The following CUL1 variants were observed in gnomAD, a reference collection of about 807,000 sequenced individuals.
The protein encoded by CUL1 is cullin-1.
In CUL1, 24 loss-of-function variants were observed where a neutral mutation model predicts 118.0. The observed-to-expected ratio is 0.20, with a 90% CI of 0.15 to 0.29. The LOEUF (loss-of-function observed/expected upper bound fraction) is 0.29. Among genes scored for constraint, CUL1 ranks in the 10% least tolerant of loss-of-function variants. The pLI is 1.00. For synonymous variants in CUL1, 332 were observed against 340.4 expected (o/e 0.98, Z 0.27); for missense variants, 361 against 933.8 (o/e 0.39, Z 7.99).
chr7:148,737,189 A>AT (rs750567676), intron 2 of CUL1, among the ~76,000 whole-genome samples: 1,998 of 143,026 alleles, frequency 0.014, 35 homozygotes, highest in African/African-American at 0.041. Context: ...GTCACAAGTG[A>AT]TTTTTTTTTT....
intron 2 of CUL1, among the ~76,000 whole-genome samples, chr7:148,753,079 A>C (rs1244094397): frequency 1.3e-5 from 2 of 152,220 alleles, no homozygotes; most frequent in African/African-American, 4.8e-5. Context: ...ATCCATTTGT[A>C]ATATATTTTG....
At chr7:148,764,058 A>C (rs115990250) in intron 7 of CUL1, among the ~76,000 whole-genome samples, 1 of 152,246 alleles carries the variant, frequency 6.6e-6, no homozygotes, top group Non-Finnish European at 1.5e-5. Flanking sequence ...GATCTGAGCT[A>C]CAGAAACTCT....
At chr7:148,794,284 T>C (rs1392238994) in intron 17 of CUL1, among the ~76,000 whole-genome samples, 1 of 152,158 alleles carries the variant, frequency 6.6e-6, no homozygotes, top group Non-Finnish European at 1.5e-5. Flanking sequence ...GTGGTTTTGG[T>C]GTCATTTTTA....
chr7:148,762,183 G>A (rs1026672424), intron 7 of CUL1, among the ~76,000 whole-genome samples: 1 of 152,192 alleles, frequency 6.6e-6, no homozygotes, highest in Non-Finnish European at 1.5e-5. Context: ...TTCACTTGGA[G>A]TATGAATGGA....
At chr7:148,753,223 T>C (rs1237453307) in intron 2 of CUL1, among the ~76,000 whole-genome samples, 1 of 152,276 alleles carries the variant, frequency 6.6e-6, no homozygotes, top group Non-Finnish European at 1.5e-5. Context: ...TTGTTCTGTT[T>C]TGTTGATCTT....
intron 1 of CUL1, among the ~76,000 whole-genome samples, chr7:148,708,558 C>T (rs933386302): frequency 3.3e-5 from 5 of 152,224 alleles, no homozygotes; most frequent in African/African-American, 1.2e-4. Context: ...AGAGGCTCTC[C>T]AGGGCAGGTA....
At position 148,800,878 on chromosome 7, in the gene CUL1, C is replaced by T. The variant is rs946167717; in HGVS notation, c.*296C>T. The T allele has an allele frequency of 3.6e-5, 9 of 248,130 alleles. No individual in the cohort carries two copies. Among genetic ancestry groups the T allele is most frequent in the East Asian group, 8.9e-5 (1 of 11,252 alleles). The allele number at this position is 248,130 out of a possible 1,614,324, so 15.4% of individuals were successfully genotyped here. On this transcript the variant is annotated 3_prime_UTR_variant, in exon 22 of 22. Transcript: ENST00000325222. This position sits in a 1 kb window ranked among gnomAD's most constrained non-coding sequence, Gnocchi z 4.6. ...GCACTAAGTCAATACATGGGCTCCCCGATTCGCAGCTGTCGTCTTGGCAGC... is the reference window on the plus strand; with the variant it reads ...GCACTAAGTCAATACATGGGCTCCCTGATTCGCAGCTGTCGTCTTGGCAGC...
intron 1 of CUL1, among the ~76,000 whole-genome samples, chr7:148,711,124 T>C (rs181903646): frequency 1.3e-5 from 2 of 152,318 alleles, no homozygotes; most frequent in East Asian, 3.9e-4. Context: ...ACTCAAATCA[T>C]TGAGAAACTG....
chr7:148,798,737 G>A, intron 20 of CUL1, 60 bp downstream of exon 20: 1 of 1,389,148 alleles, frequency 7.2e-7, no homozygotes, highest in South Asian at 1.2e-5. Context: ...TGGCTCGCAA[G>A]GACGGGCCGT....
chr7:148,796,090 CTGTGA>C (rs1801189382), intron 17 of CUL1, among the ~76,000 whole-genome samples: 1 of 152,102 alleles, frequency 6.6e-6, no homozygotes, highest in African/African-American at 2.4e-5. Context: ...TACTGTTTAA[CTGTGA>C]TGTTAAAGAG....
chr7:148,704,529 T>G (rs1431555726), intron 1 of CUL1, among the ~76,000 whole-genome samples: 4 of 152,228 alleles, frequency 2.6e-5, no homozygotes, highest in African/African-American at 9.6e-5. Flanking sequence ...GGTGTGCTGT[T>G]ATTTAACTAA....
intron 1 of CUL1, among the ~76,000 whole-genome samples, chr7:148,713,246 T>TA (rs1389788303): frequency 1.3e-5 from 2 of 152,164 alleles, no homozygotes; most frequent in Non-Finnish European, 2.9e-5. Context: ...GGTAATTGAG[T>TA]AAAAGCATTG....
At chr7:148,775,805 T>A (rs1433544553) in intron 9 of CUL1, among the ~76,000 whole-genome samples, 1 of 150,898 alleles carries the variant, frequency 6.6e-6, no homozygotes, top group Non-Finnish European at 1.5e-5. Context: ...AATACATTTT[T>A]AAATCTATAT....
chr7:148,777,349 C>A lies in CUL1; in HGVS notation c.1084-6434C>A, dbSNP rs572639680. 5.3e-5 allele frequency among the ~76,000 whole-genome samples: 8 copies of A among 152,200 alleles called. No homozygotes were observed. In the South Asian group the frequency reaches 1.5e-3, roughly 28 times the overall value. ...AAGCAAAAAGTAGCAGCAGGTAGGC[C>A]GGTTAAAATAATGAGAAAAGGTTGG... On this transcript the variant is annotated intron_variant, in intron 9 of 21. Coordinates refer to ENST00000325222, the MANE Select transcript of CUL1 (RefSeq NM_003592.3).
chr7:148,760,975 T>C (rs1799808633), intron 7 of CUL1, among the ~76,000 whole-genome samples: 1 of 152,210 alleles, frequency 6.6e-6, no homozygotes, highest in Non-Finnish European at 1.5e-5. Flanking sequence ...CGCTTCAGCC[T>C]CCAGAAGTAA....
At chr7:148,699,787 C>T (rs1034759957) in intron 1 of CUL1, among the ~76,000 whole-genome samples, 5 of 152,042 alleles carry the variant, frequency 3.3e-5, no homozygotes, top group African/African-American at 1.2e-4. Context: ...CTAGTCGGGC[C>T]GGGCCCTGCG....
chr7:148,726,157 A>T (rs1798575695), intron 1 of CUL1, among the ~76,000 whole-genome samples: 2 of 152,226 alleles, frequency 1.3e-5, no homozygotes, highest in Non-Finnish European at 2.9e-5. Flanking sequence ...ATAGAGTAAG[A>T]TTCATAATTG....
chr7:148,731,793 G>A (rs1798772070), intron 2 of CUL1, among the ~76,000 whole-genome samples: 1 of 152,190 alleles, frequency 6.6e-6, no homozygotes, highest in South Asian at 2.1e-4. Context: ...TCTGTGGGCT[G>A]CCTATGTGGC....
At chr7:148,763,842 A>G (rs1432072126) in intron 7 of CUL1, among the ~76,000 whole-genome samples, 5 of 152,260 alleles carry the variant, frequency 3.3e-5, no homozygotes, top group Non-Finnish European at 2.9e-5. Context: ...ACTATGAGAT[A>G]AAACATGACC....
Sources: gnomAD v4.1 joint callset for allele counts (sites outside exome capture counted in the v4.1 genomes callset) on GRCh38, gnomAD v4.1.1 for gene constraint, Gnocchi (gnomAD v3.1) non-coding constraint, MANE v1.5 for transcripts, NCBI Gene and HGNC (gene_info 2026-07-23, HGNC 2026-07-21) for gene names.